ARHGEF28: variants seen among roughly 807,000 people sequenced by gnomAD.
ARHGEF28 encodes Rho guanine nucleotide exchange factor 28.
In ARHGEF28, 152 loss-of-function variants were observed where a neutral mutation model predicts 206.6. The observed-to-expected ratio is 0.74, with a 90% confidence interval of 0.64 to 0.84. The LOEUF (loss-of-function observed/expected upper bound fraction) is 0.84. ARHGEF28 is among the 40% of genes least tolerant of loss of function. The probability of loss-of-function intolerance (pLI) is 0.00; values close to 1 mark genes in which losing one functional copy is unlikely to be tolerated. For synonymous variants in ARHGEF28, 763 were observed against 776.4 expected, an observed-to-expected ratio of 0.98 and a Z score of 0.29; for missense variants, 2,028 against 2,073.2, an observed-to-expected ratio of 0.98 and a Z score of 0.42.
intron 2 of ARHGEF28, among the ~76,000 whole-genome samples, chr5:73,732,229 C>A (rs139611676): frequency 6.6e-6 from 1 of 152,146 alleles, no homozygotes; most frequent in Admixed American, 6.5e-5. Context: ...ATCCCTCCCC[C>A]ACCTACCAAC....
rs1006358007 is a variant in ARHGEF28 at position 73,872,854 on chromosome 5, G to C, written c.2567-145G>C. ...TAGAGTGAATGAAATGTTTAATGTT[G>C]ACTTTTATATTGGAATATTCTTGAT... On this transcript the variant is annotated intron_variant, in intron 21 of 35. Coordinates refer to ENST00000513042, the MANE Select transcript of ARHGEF28 (RefSeq NM_001177693.2). The C allele has an allele frequency of 3.0e-6, 3 of 994,822 alleles. No individual in the cohort carries two copies. The African/African-American group carries it at 4.9e-5, about 16-fold the overall frequency. The allele number at this position is 994,822 out of a possible 1,614,324, so 61.6% of individuals were successfully genotyped here. A position where few individuals can be genotyped will look rare whatever the true frequency, so the allele number is the denominator to read the frequency against.
chr5:73,784,457 C>T (rs1231345721), intron 7 of ARHGEF28, among the ~76,000 whole-genome samples: 1 of 152,100 alleles, frequency 6.6e-6, no homozygotes, highest in East Asian at 1.9e-4. Flanking sequence ...TTAATATGCT[C>T]CTATTAATAA....
intron 4 of ARHGEF28, among the ~76,000 whole-genome samples, chr5:73,767,305 G>C (rs976735061): frequency 2.6e-5 from 4 of 152,140 alleles, no homozygotes; most frequent in Non-Finnish European, 4.4e-5. Flanking sequence ...AAGCAACTTT[G>C]GAACTGGGTA....
chr5:73,783,524 G>T (rs1475436572), intron 7 of ARHGEF28, among the ~76,000 whole-genome samples: 1 of 152,170 alleles, frequency 6.6e-6, no homozygotes, highest in African/African-American at 2.4e-5. Flanking sequence ...AGTTCACTTT[G>T]GTGGGAGTAT....
intron 33 of ARHGEF28, among the ~76,000 whole-genome samples, chr5:73,906,513 C>CA (rs1317960568): frequency 6.6e-6 from 1 of 152,202 alleles, no homozygotes; most frequent in Admixed American, 6.5e-5. Context: ...TGAGTCACTG[C>CA]ACCCAGCCCC....
intron 1 of ARHGEF28, among the ~76,000 whole-genome samples, chr5:73,672,637 A>C (rs1746421871): frequency 6.6e-6 from 1 of 152,242 alleles, no homozygotes; most frequent in South Asian, 2.1e-4. Context: ...GAGGAAATTG[A>C]TACCTTGGTA....
At chr5:73,705,202 A>G (rs776790654) in intron 2 of ARHGEF28, among the ~76,000 whole-genome samples, 3 of 152,204 alleles carry the variant, frequency 2.0e-5, no homozygotes, top group Non-Finnish European at 4.4e-5. Context: ...GCTTTTGTCT[A>G]TTGAAAGCCA....
rs145331807 is a variant in ARHGEF28 at position 73,703,313 on chromosome 5, A to G, written c.33+18429A>G. Among the ~76,000 whole-genome samples, 15 of 152,230 alleles carry G rather than the reference A, an allele frequency of 9.9e-5. No individual in the cohort carries two copies. The East Asian group carries it at 2.7e-3, about 27-fold the overall frequency. ...AGGGGTTGGGGTTCTCTGATTCTCA[A>G]TGTATTGATTCTTTACTTTGATTCC... is the stretch of plus-strand genomic sequence containing the variant. On this transcript the variant is annotated intron_variant, in intron 2 of 35. Coordinates refer to ENST00000513042, the MANE Select transcript of ARHGEF28 (RefSeq NM_001177693.2).
At chr5:73,718,968 C>T (rs1166868581) in intron 2 of ARHGEF28, among the ~76,000 whole-genome samples, 1 of 152,196 alleles carries the variant, frequency 6.6e-6, no homozygotes, top group Non-Finnish European at 1.5e-5. Context: ...CAAGAACAGC[C>T]TCCCCAAATC....
chr5:73,642,790 A>G (rs946861046), intron 1 of ARHGEF28, among the ~76,000 whole-genome samples: 3 of 152,174 alleles, frequency 2.0e-5, no homozygotes, highest in Non-Finnish European at 2.9e-5. Flanking sequence ...GACTGATTTT[A>G]GTTAGTTGGT....
chr5:73,698,831 G>A (rs185625669), intron 2 of ARHGEF28, among the ~76,000 whole-genome samples: 22 of 151,970 alleles, frequency 1.4e-4, no homozygotes, highest in Non-Finnish European at 2.4e-4. Flanking sequence ...CAGGTGAAGG[G>A]TGGTCCAAGG....
intron 9 of ARHGEF28, among the ~76,000 whole-genome samples, chr5:73,830,976 A>G (rs994821276): frequency 6.6e-6 from 1 of 152,212 alleles, no homozygotes; most frequent in East Asian, 1.9e-4. Flanking sequence ...GATGGCATTT[A>G]CTATAGGTAT....
At chr5:73,842,892 C>A (rs1371786875) in intron 11 of ARHGEF28, among the ~76,000 whole-genome samples, 1 of 151,456 alleles carries the variant, frequency 6.6e-6, no homozygotes, top group Non-Finnish European at 1.5e-5. Flanking sequence ...GGGGCTGAGG[C>A]AGGCTCATTG....
intron 35 of ARHGEF28, among the ~76,000 whole-genome samples, chr5:73,936,712 G>A (rs1039889065): frequency 2.6e-5 from 4 of 152,226 alleles, no homozygotes; most frequent in South Asian, 2.1e-4. Flanking sequence ...GAGGCACTTG[G>A]TTCATTTTAT....
At chr5:73,731,392 C>G (rs1041391484) in intron 2 of ARHGEF28, among the ~76,000 whole-genome samples, 1 of 152,090 alleles carries the variant, frequency 6.6e-6, no homozygotes. Context: ...GGAAGCATGC[C>G]TTTGCTTGGC....
chr5:73,798,330 A>ATTT (rs375072412), intron 9 of ARHGEF28, among the ~76,000 whole-genome samples: 2 of 150,860 alleles, frequency 1.3e-5, no homozygotes, highest in African/African-American at 4.9e-5. Context: ...CATTCTTTCC[A>ATTT]TTTTTTTTTG....
intron 2 of ARHGEF28, among the ~76,000 whole-genome samples, chr5:73,700,666 G>C (rs1748544927): frequency 6.6e-6 from 1 of 152,190 alleles, no homozygotes; most frequent in African/African-American, 2.4e-5. Context: ...ATAAGTGCAA[G>C]AGGTGATTGA....
chr5:73,788,233 G>A (rs1468827949), intron 7 of ARHGEF28, among the ~76,000 whole-genome samples: 1 of 152,188 alleles, frequency 6.6e-6, no homozygotes, highest in Non-Finnish European at 1.5e-5. Context: ...TAGAATCTAA[G>A]TTTGGTAAAA....
chr5:73,851,774 G>A (rs962302528), intron 13 of ARHGEF28, among the ~76,000 whole-genome samples: 1 of 152,080 alleles, frequency 6.6e-6, no homozygotes, highest in Non-Finnish European at 1.5e-5. Context: ...TAAAATAAAG[G>A]CTTCAAATTC....
Sources: allele counts gnomAD v4.1 joint callset (sites outside exome capture counted in the v4.1 genomes callset), GRCh38; gene constraint gnomAD v4.1.1; transcripts MANE v1.5; gene names NCBI Gene and HGNC (gene_info 2026-07-23, HGNC 2026-07-21).